RFX7: variants seen among roughly 807,000 people sequenced by gnomAD.
RFX7 encodes the protein regulatory factor X7, also known as DNA-binding protein RFX7.
RFX7 carries 26 observed loss-of-function variants against 111.8 expected under a neutral mutation model. The ratio of observed to expected loss-of-function variants is 0.23; its 90% CI spans 0.17 to 0.32. The LOEUF (loss-of-function observed/expected upper bound fraction) is 0.32, where lower values mean the gene tolerates loss of function less well. Ranked by LOEUF, RFX7 falls within the 10% of genes least tolerant of loss-of-function variation. RFX7 has a pLI of 1.00. For synonymous variants in RFX7, 624 were observed against 624.4 expected (o/e 1.00, Z 0.01); for missense variants, 1,573 against 1,772.9 (o/e 0.89, Z 2.02).
intron 5 of RFX7, among the ~76,000 whole-genome samples, chr15:56,139,475 T>C (rs1438900472): frequency 3.9e-5 from 6 of 152,214 alleles, no homozygotes; most frequent in African/African-American, 1.4e-4. Flanking sequence ...ATCAGCTCCT[T>C]TAAGCACTTC....
At chr15:56,160,143 G>C (rs1399209041) in intron 3 of RFX7, among the ~76,000 whole-genome samples, 1 of 152,050 alleles carries the variant, frequency 6.6e-6, no homozygotes, top group African/African-American at 2.4e-5. Context: ...TCACTGAGGA[G>C]CTTTCTTGCA....
chr15:56,107,390 A>G (rs2041846438), intron 5 of RFX7, among the ~76,000 whole-genome samples: 1 of 151,104 alleles, frequency 6.6e-6, no homozygotes, highest in Non-Finnish European at 1.5e-5. Flanking sequence ...CCTGAAATTA[A>G]GCCTAATATT....
chr15:56,141,556 T>G (rs1893878281), intron 5 of RFX7, among the ~76,000 whole-genome samples: 1 of 150,976 alleles, frequency 6.6e-6, no homozygotes, highest in Non-Finnish European at 1.5e-5. Flanking sequence ...GTTTACCTGA[T>G]TTCTATAACC....
chr15:56,188,781 T>A (rs1381159128), intron 2 of RFX7, among the ~76,000 whole-genome samples: 1 of 152,182 alleles, frequency 6.6e-6, no homozygotes, highest in Non-Finnish European at 1.5e-5. Context: ...TAGGAGAATA[T>A]GATGTGAGAG....
intron 2 of RFX7, among the ~76,000 whole-genome samples, chr15:56,207,015 T>C (rs1261219345): frequency 1.3e-5 from 2 of 152,188 alleles, no homozygotes; most frequent in Non-Finnish European, 2.9e-5. Context: ...CTGGGCTGTA[T>C]GTAACACAAA....
chr15:56,132,730 T>C (rs991832907), intron 5 of RFX7, among the ~76,000 whole-genome samples: 5 of 152,104 alleles, frequency 3.3e-5, no homozygotes, highest in Non-Finnish European at 7.4e-5. Flanking sequence ...AACAGCAATC[T>C]TGAAAAACAT....
At chr15:56,200,837 T>C (rs1264511387) in intron 2 of RFX7, among the ~76,000 whole-genome samples, 3 of 151,942 alleles carry the variant, frequency 2.0e-5, no homozygotes, top group Non-Finnish European at 4.4e-5. Context: ...AAGGCAGATC[T>C]TTAAATTGAG....
At chr15:56,138,789 G>A (rs1292999138) in intron 5 of RFX7, among the ~76,000 whole-genome samples, 1 of 151,812 alleles carries the variant, frequency 6.6e-6, no homozygotes, top group Non-Finnish European at 1.5e-5. Context: ...CTTCCTTCAG[G>A]AGCTCTTTTA....
At chr15:56,182,281 G>C (rs1165533052) in intron 2 of RFX7, among the ~76,000 whole-genome samples, 1 of 151,924 alleles carries the variant, frequency 6.6e-6, no homozygotes, top group Non-Finnish European at 1.5e-5. Flanking sequence ...AAATGGTTGG[G>C]GACTGCTGTT....
intron 2 of RFX7, among the ~76,000 whole-genome samples, chr15:56,198,799 A>G (rs907562326): frequency 6.6e-6 from 1 of 152,172 alleles, no homozygotes; most frequent in Non-Finnish European, 1.5e-5. Flanking sequence ...AAAGTTGAAT[A>G]ATAAAGACCT....
At chr15:56,172,392 T>C (rs1330225636) in intron 3 of RFX7, among the ~76,000 whole-genome samples, 1 of 151,970 alleles carries the variant, frequency 6.6e-6, no homozygotes, top group Non-Finnish European at 1.5e-5. Context: ...AATATGGGGG[T>C]AAAATTAAGC....
At chr15:56,126,262 C>T (rs1267214387) in intron 5 of RFX7, among the ~76,000 whole-genome samples, 1 of 152,186 alleles carries the variant, frequency 6.6e-6, no homozygotes, top group Non-Finnish European at 1.5e-5. Context: ...CAAAGACCTG[C>T]AGCAAACTGG....
At chr15:56,231,651 T>C (rs1345809633) in intron 2 of RFX7, among the ~76,000 whole-genome samples, 1 of 152,070 alleles carries the variant, frequency 6.6e-6, no homozygotes, top group Non-Finnish European at 1.5e-5. Context: ...AAATCTCATG[T>C]CCTCACATTT....
intron 2 of RFX7, among the ~76,000 whole-genome samples, chr15:56,231,222 T>TA (rs1177028111): frequency 6.6e-6 from 1 of 152,204 alleles, no homozygotes; most frequent in Non-Finnish European, 1.5e-5. Flanking sequence ...GCTGCTGTAA[T>TA]AATCCAGGAA....
intron 3 of RFX7, among the ~76,000 whole-genome samples, chr15:56,170,439 G>T (rs2042833700): frequency 6.6e-6 from 1 of 152,028 alleles, no homozygotes. Flanking sequence ...ATGGGGGCGG[G>T]GGACATCCTG....
intron 5 of RFX7, among the ~76,000 whole-genome samples, chr15:56,127,963 C>G (rs2042166824): frequency 6.7e-6 from 1 of 149,336 alleles, no homozygotes; most frequent in African/African-American, 2.4e-5. Flanking sequence ...TAACTACTGA[C>G]TTTGAATAAA....
chr15:56,094,093 G>T lies in RFX7; in HGVS notation c.3635C>A (p.Thr1212Lys). 3 of 1,613,998 alleles carry T rather than the reference G, an allele frequency of 1.9e-6. No homozygotes were observed. The highest frequency in any genetic ancestry group is 2.5e-6 in the Non-Finnish European group (3 of 1,179,884). The change falls in exon 10 of 10, where the codon ACA becomes AAA. Residue 1212 changes from threonine to lysine, a missense_variant. Around this residue, in one of 7 missense-constraint regions of RFX7, gnomAD observed 411 missense variants for 478.1 expected, o/e 0.86. Transcript: ENST00000559447. ...PEVHVFTNVH[T>K]DACANNIAQR... ...AGCTATGTTGTTGGCACATGCGTCT[G>T]TGTGAACATTTGTGAAAACATGAAC... is the stretch of plus-strand genomic sequence containing the variant.
intron 8 of RFX7, among the ~76,000 whole-genome samples, chr15:56,099,101 G>A (rs1199207146): frequency 1.3e-5 from 2 of 152,040 alleles, no homozygotes; most frequent in Admixed American, 1.3e-4. Flanking sequence ...TAGGAAAAAT[G>A]GATTATAAAA....
At chr15:56,109,536 C>G (rs2041881212) in intron 5 of RFX7, among the ~76,000 whole-genome samples, 1 of 151,910 alleles carries the variant, frequency 6.6e-6, no homozygotes, top group African/African-American at 2.4e-5. Flanking sequence ...GCCCCTCTGC[C>G]TGGCTGCCCA....
Sources: allele counts gnomAD v4.1 joint callset (sites outside exome capture counted in the v4.1 genomes callset), GRCh38; gene constraint gnomAD v4.1.1; regional missense constraint gnomAD v4.1.1; transcripts MANE v1.5; gene names NCBI Gene and HGNC (gene_info 2026-07-23, HGNC 2026-07-21).